Variants in SHE observed in about 807,000 individuals in gnomAD.
SHE encodes Src homology 2 domain containing E, also known as SH2 domain-containing adapter protein E.
A neutral mutation model predicts 49.8 loss-of-function variants in SHE; 11 were observed. That is an observed-to-expected ratio of 0.22 (90% CI 0.14 to 0.37). SHE has a LOEUF of 0.37. SHE is among the 10% of genes least tolerant of loss of function. SHE has a pLI of 1.00. For synonymous variants in SHE, 310 were observed against 278.1 expected (o/e 1.11, Z -1.14); for missense variants, 624 against 655.5 (o/e 0.95, Z 0.52).
chr1:154,475,103 C>T (rs535421418), downstream of SHE, among the ~76,000 whole-genome samples: 7 of 148,794 alleles, frequency 4.7e-5, no homozygotes, highest in South Asian at 1.1e-3. Flanking sequence ...GGAGGCCTGC[C>T]GGGGGTACAG....
In SHE at chr1:154,470,583, T is replaced by C. The variant is rs563134957; in HGVS notation, c.103-221A>G. 2.6e-5 allele frequency among the ~76,000 whole-genome samples: 4 copies of C among 152,268 alleles called. No individual in the cohort carries two copies. In the South Asian group the frequency reaches 8.3e-4, roughly 32 times the overall value. ...GGCCAGGTGCGGTGGCTCACTCCTATAATCCTAGCACTTTGGGAGGCTGAG... is the reference window on the plus strand; with the variant it reads ...GGCCAGGTGCGGTGGCTCACTCCTACAATCCTAGCACTTTGGGAGGCTGAG... On this transcript the variant is annotated intron_variant, in intron 1 of 1. Transcript: ENST00000486773.
chr1:154,483,126 T>C lies in SHE; in HGVS notation c.*1023A>G, dbSNP rs907925935. 2 of 985,020 alleles carry C rather than the reference T, an allele frequency of 2.0e-6. No homozygotes were observed. Among genetic ancestry groups the C allele is most frequent in the Non-Finnish European group, 2.4e-6 (2 of 829,530 alleles). 61.0% of individuals were successfully genotyped at this position (985,020 alleles called of 1,614,324 possible). On this transcript the variant is annotated 3_prime_UTR_variant, in exon 6 of 6. Transcript: ENST00000304760. ...TTTATTCTATAATTCAGAATTCTAA[T>C]AATGATGCCAATGCCTAATGATATT...
downstream of SHE, among the ~76,000 whole-genome samples, chr1:154,478,317 G>A (rs143052881): frequency 9.2e-5 from 14 of 151,790 alleles, no homozygotes; most frequent in East Asian, 2.3e-3. Flanking sequence ...ACTGTGGAGC[G>A]AGCAGCCCCG....
At chr1:154,478,466 T>C (rs957481406), downstream of SHE, among the ~76,000 whole-genome samples, 11 of 147,120 alleles carry the variant, frequency 7.5e-5, no homozygotes, top group Non-Finnish European at 1.6e-4. Context: ...GAGTGAGACC[T>C]GGGCCGCAAT....
At chr1:154,479,055 T>C (rs76095693), downstream of SHE, among the ~76,000 whole-genome samples, 160 of 152,320 alleles carry the variant, frequency 1.1e-3, no homozygotes, top group Non-Finnish European at 1.8e-3. Flanking sequence ...CCAAATCACC[T>C]GGTACAATTT....
intron 2 of SHE, among the ~76,000 whole-genome samples, chr1:154,495,670 G>A (rs2149297538): frequency 6.6e-6 from 1 of 152,088 alleles, no homozygotes; most frequent in East Asian, 1.9e-4. Flanking sequence ...GAGGTCCAAG[G>A]GCAGAAATCA....
chr1:154,482,506 A>G lies in SHE; in HGVS notation c.*1643T>C. On this transcript the variant is annotated 3_prime_UTR_variant, in exon 6 of 6. Coordinates refer to ENST00000304760, the MANE Select transcript of SHE (RefSeq NM_001010846.3). ...GTATACTTTCCTAAAAAATTAACCA[A>G]ATCAACATTTTGTGTGTATTTATAA... The G allele has an allele frequency of 1.0e-6, 1 of 985,450 alleles. No homozygotes were observed. The highest frequency in any genetic ancestry group is 1.2e-6 in the Non-Finnish European group (1 of 829,912). 61.0% of individuals were successfully genotyped at this position (985,450 alleles called of 1,614,324 possible). A position where few individuals can be genotyped will look rare whatever the true frequency, so the allele number is the denominator to read the frequency against.
At chr1:154,488,714 C>A (rs1464928574) in intron 3 of SHE, among the ~76,000 whole-genome samples, 1 of 152,086 alleles carries the variant, frequency 6.6e-6, no homozygotes, top group African/African-American at 2.4e-5. Context: ...AGGCTGCCCA[C>A]TAGCTGGGAT....
At chr1:154,500,567 C>A (rs1692683077) in intron 1 of SHE, among the ~76,000 whole-genome samples, 1 of 152,132 alleles carries the variant, frequency 6.6e-6, no homozygotes, top group Admixed American at 6.6e-5. Flanking sequence ...TTGCCTGGAC[C>A]GGAGTCTGAA....
In SHE at chr1:154,485,989, C is replaced by T; in HGVS notation, c.1255G>A (p.Val419Ile). 6.2e-7 allele frequency: 1 copy of T among 1,614,112 alleles called. No individual in the cohort carries two copies. The highest frequency in any genetic ancestry group is 8.5e-7 in the Non-Finnish European group (1 of 1,179,978). The change falls in exon 5 of 6, where the codon GTT becomes ATT. Residue 419 changes from valine (V) to isoleucine (I), a missense_variant. Val to Ile is a conservative substitution (Grantham distance 29). Coordinates refer to ENST00000304760, the MANE Select transcript of SHE (RefSeq NM_001010846.3). ...CTGTTCCCTGACTCACTATTTCGAACCAGGTAACCAGCTTCTTTGCAGGGC... is the reference window on the plus strand; with the variant it reads ...CTGTTCCCTGACTCACTATTTCGAATCAGGTAACCAGCTTCTTTGCAGGGC... ...LQPCKEAGYL[V>I]RNSESGNSRY...
rs1226312281 is a variant in SHE, at chr1:154,481,787, A to C, written c.*2362T>G. 1.0e-6 allele frequency: 1 copy of C among 972,020 alleles called. No individual in the cohort carries two copies. Among genetic ancestry groups the C allele is most frequent in the Non-Finnish European group, 1.2e-6 (1 of 817,878 alleles). 60.2% of individuals were successfully genotyped at this position (972,020 alleles called of 1,614,324 possible). The stretch of plus-strand genomic sequence containing the variant: ...TAAAATCTTACACTAAAGATATAGT[A>C]AATGAACCAATACACACTGAAAACA... On this transcript the variant is annotated 3_prime_UTR_variant, in exon 6 of 6. Coordinates refer to ENST00000304760, the MANE Select transcript of SHE (RefSeq NM_001010846.3).
In SHE at chr1:154,501,773, G is replaced by C. The variant is rs748176496; in HGVS notation, c.254C>G (p.Ser85Trp). 3 of 1,564,686 alleles carry C rather than the reference G, an allele frequency of 1.9e-6. No individual in the cohort carries two copies. The highest frequency in any genetic ancestry group is 3.7e-5 in the Admixed American group (2 of 54,786). Residue 85 changes from serine to tryptophan, a missense_variant, in exon 1 of 6, where the codon TCG (serine) becomes TGG (tryptophan). Physicochemically the swap from Ser to Trp is radical, Grantham distance 177 (BLOSUM62 -3). Around this residue, in one of 4 missense-constraint regions of SHE, gnomAD observed 337 missense variants for 306.0 expected, o/e 1.10. Transcript: ENST00000304760. ...CCTGCCGCTCCCCAGCTCGGCCGCC[G>C]AGTTCTTGCGGCCCTTGCCAGGACC... ...GPGPGKGRKNSAAELGSGRAG... is the reference protein window; with the variant it reads ...GPGPGKGRKNWAAELGSGRAG...
intron 2 of SHE, among the ~76,000 whole-genome samples, chr1:154,493,934 C>G (rs1008593430): frequency 1.3e-5 from 2 of 152,206 alleles, no homozygotes; most frequent in African/African-American, 4.8e-5. Context: ...ACACGGAAGC[C>G]ACAGTCATGC....
At position 154,501,690 on chromosome 1, in the gene SHE, G is replaced by C. The variant is rs749193244; in HGVS notation, c.337C>G (p.Gln113Glu). ...LSRDSLQGLI[Q>E]AAAGKGRKNS... ...TTGCGGCCCTTGCCCGCGGCGGCCT[G>C]AATCAGACCCTGCAGGCTGTCGCGG... The change falls in exon 1 of 6, where the codon CAG (glutamine) becomes GAG (glutamate). Residue 113 changes from glutamine to glutamate, a missense_variant. Transcript: ENST00000304760. 1.2e-6 allele frequency: 2 copies of C among 1,612,730 alleles called. No homozygotes were observed. The highest frequency in any genetic ancestry group is 1.7e-4 in the Middle Eastern group (1 of 6,054).
At chr1:154,478,428 CAAAAA>C (rs10594379), downstream of SHE, among the ~76,000 whole-genome samples, 41 of 113,372 alleles carry the variant, frequency 3.6e-4, no homozygotes, top group South Asian at 2.0e-3. Flanking sequence ...ATAAAAAGTG[CAAAAA>C]AAAAAAAAAA....
chr1:154,482,480 G>A lies in SHE; in HGVS notation c.*1669C>T, dbSNP rs1181945081. The A allele has an allele frequency of 1.0e-6, 1 of 985,106 alleles. No homozygotes were observed. Among genetic ancestry groups the A allele is most frequent in the Non-Finnish European group, 1.2e-6 (1 of 829,832 alleles). 61.0% of individuals were successfully genotyped at this position (985,106 alleles called of 1,614,324 possible). The stretch of plus-strand genomic sequence containing the variant: ...GTCAAATGTAACTAGTAACTACAAA[G>A]GTATACTTTCCTAAAAAATTAACCA... On this transcript the variant is annotated 3_prime_UTR_variant, in exon 6 of 6. Coordinates refer to ENST00000304760, the MANE Select transcript of SHE (RefSeq NM_001010846.3).
At chr1:154,477,717 C>T (rs1370494570), downstream of SHE, among the ~76,000 whole-genome samples, 1 of 151,814 alleles carries the variant, frequency 6.6e-6, no homozygotes, top group Non-Finnish European at 1.5e-5. Flanking sequence ...ATGGTGAAAC[C>T]CCGTTTCTAC....
At chr1:154,484,465 G>A (rs1692110024) in intron 5 of SHE, 130 bp from the exon 6 acceptor site, 4 of 723,012 alleles carry the variant, frequency 5.5e-6, no homozygotes, top group Non-Finnish European at 9.1e-6. Flanking sequence ...TACACACACA[G>A]AAATGCATTC....
rs766023767 is a variant in SHE at position 154,486,520 on chromosome 1, G to T, written c.1181+7C>A. 1 of 1,613,840 alleles carries T rather than the reference G, an allele frequency of 6.2e-7. No individual in the cohort carries two copies. Among genetic ancestry groups the T allele is most frequent in the Admixed American group, 1.7e-5 (1 of 60,024 alleles). The stretch of plus-strand genomic sequence containing the variant: ...GTCTGTTACAAGGATCTGAGGAGGA[G>T]ACTCACGGCTGCTTCTCCAGGGGCA... On this transcript the variant is annotated splice_region_variant and intron_variant, in intron 4 of 5. Coordinates refer to ENST00000304760, the MANE Select transcript of SHE (RefSeq NM_001010846.3).
Sources: allele counts gnomAD v4.1 joint callset (sites outside exome capture counted in the v4.1 genomes callset), GRCh38; gene constraint gnomAD v4.1.1; regional missense constraint gnomAD v4.1.1; transcripts MANE v1.5; gene names NCBI Gene and HGNC (gene_info 2026-07-23, HGNC 2026-07-21).